RAP1GAP2: variants seen among roughly 807,000 people sequenced by gnomAD.
The protein encoded by RAP1GAP2 is RAP1 GTPase activating protein 2.
Under a neutral mutation model 95.0 loss-of-function variants are expected in RAP1GAP2, and 27 were observed. The ratio of observed to expected loss-of-function variants is 0.28; its 90% CI spans 0.21 to 0.39. RAP1GAP2 has a LOEUF of 0.39. Ranked by LOEUF, RAP1GAP2 falls within the 10% of genes least tolerant of loss-of-function variation. The probability of loss-of-function intolerance (pLI) is 1.00; values close to 1 mark genes in which losing one functional copy is unlikely to be tolerated. For synonymous variants in RAP1GAP2, 373 were observed against 380.9 expected (o/e 0.98, Z 0.24); for missense variants, 771 against 970.0 (o/e 0.79, Z 2.72).
At chr17:2,918,608 C>T (rs989481818) in intron 3 of RAP1GAP2, among the ~76,000 whole-genome samples, 1 of 151,860 alleles carries the variant, frequency 6.6e-6, no homozygotes, top group African/African-American at 2.4e-5. Flanking sequence ...AGCAAGAGAG[C>T]AAGGGAGGGT....
At chr17:3,024,929 C>T (rs2047059070) in intron 19 of RAP1GAP2, among the ~76,000 whole-genome samples, 1 of 152,110 alleles carries the variant, frequency 6.6e-6, no homozygotes, top group African/African-American at 2.4e-5. Context: ...ACAAATGGGT[C>T]CAGTGTTTCC....
At chr17:2,806,538 G>T (rs2069527086) in intron 2 of RAP1GAP2, among the ~76,000 whole-genome samples, 2 of 149,790 alleles carry the variant, frequency 1.3e-5, no homozygotes, top group Admixed American at 6.7e-5. Flanking sequence ...GATTACAGGT[G>T]CGGCCCACCG....
At chr17:2,930,876 CACTTTGGGAGG>C (rs2043121785) in intron 3 of RAP1GAP2, among the ~76,000 whole-genome samples, 1 of 152,204 alleles carries the variant, frequency 6.6e-6, no homozygotes, top group African/African-American at 2.4e-5. Context: ...GTAATCCCAG[CACTTTGGGAGG>C]CCGAGGCGGG....
chr17:2,978,765 C>T (rs1216234629), intron 8 of RAP1GAP2, among the ~76,000 whole-genome samples: 1 of 151,940 alleles, frequency 6.6e-6, no homozygotes, highest in Non-Finnish European at 1.5e-5. Flanking sequence ...GAAACCCTGT[C>T]TCTACTAAAA....
At chr17:2,780,003 G>A (rs945612356) in intron 1 of RAP1GAP2, among the ~76,000 whole-genome samples, 76 of 152,196 alleles carry the variant, frequency 5.0e-4, no homozygotes, top group Non-Finnish European at 1.0e-3. Context: ...TTCCTAGGGC[G>A]TAAACTGGGG....
chr17:2,842,096 G>A (rs572978300), intron 2 of RAP1GAP2, among the ~76,000 whole-genome samples: 1 of 152,268 alleles, frequency 6.6e-6, no homozygotes, highest in African/African-American at 2.4e-5. Flanking sequence ...GGGAGTATTG[G>A]GGTCCTTGTC....
rs761719284 is a variant in RAP1GAP2 at position 2,981,178 on chromosome 17, T to G, written c.676-17T>G. ...ACAGATATCATCCCTGACCTGCGTC[T>G]TCTTCTCCCTTCTCAGGCTTTCTGT... On this transcript the variant is annotated splice_polypyrimidine_tract_variant and intron_variant, in intron 9 of 24. Transcript: ENST00000254695. 107 of 1,583,820 alleles carry G rather than the reference T, an allele frequency of 6.8e-5. No homozygotes were observed. The highest frequency in any genetic ancestry group is 2.0e-4 in the South Asian group (18 of 90,208).
rs528267162 is a variant in RAP1GAP2 at position 2,979,828 on chromosome 17, G to T, written c.597-459G>T. ...AAGTAGGATTCCGTTTTCCCACAAG[G>T]CAAGTGTGATGTGTGGTTGGGCCAC... On this transcript the variant is annotated intron_variant, in intron 8 of 24. Transcript: ENST00000254695. 3.3e-5 allele frequency among the ~76,000 whole-genome samples: 5 copies of T among 152,192 alleles called. No homozygotes were observed. In the East Asian group the frequency reaches 9.7e-4, roughly 30 times the overall value.
intron 1 of RAP1GAP2, among the ~76,000 whole-genome samples, chr17:2,764,736 A>AAAAAAT (rs1555538827): frequency 5.5e-4 from 84 of 152,312 alleles, no homozygotes; most frequent in African/African-American, 1.9e-3. Flanking sequence ...TAAATAAATA[A>AAAAAAT]AAAAATAAAA....
rs1467142505 is a variant in RAP1GAP2, at chr17:2,833,652, T to G, written c.80+33102T>G. Among the ~76,000 whole-genome samples, 3 of 134,632 alleles carry G rather than the reference T, an allele frequency of 2.2e-5. No individual in the cohort carries two copies. The East Asian group carries it at 6.6e-4, about 30-fold the overall frequency. The allele number at this position is 134,632 out of a possible 152,430, so 88.3% of individuals were successfully genotyped here. A position where few individuals can be genotyped will look rare whatever the true frequency, so the allele number is the denominator to read the frequency against. ...TTGCAGTGAGCCGAGATCTCGCCAC[T>G]GCACTCCAACCTGGGAGACACAGCG... On this transcript the variant is annotated intron_variant, in intron 2 of 24. Transcript: ENST00000254695.
chr17:3,015,316 C>G (rs1421250477), intron 17 of RAP1GAP2, among the ~76,000 whole-genome samples: 1 of 152,040 alleles, frequency 6.6e-6, no homozygotes, highest in Non-Finnish European at 1.5e-5. Flanking sequence ...GTCAGTAGCT[C>G]ATCTAGGGGG....
chr17:2,908,516 G>C (rs2042273343), intron 3 of RAP1GAP2, among the ~76,000 whole-genome samples: 1 of 152,078 alleles, frequency 6.6e-6, no homozygotes, highest in South Asian at 2.1e-4. Flanking sequence ...AGCCTGACTC[G>C]GAGGGGCCGG....
chr17:2,816,333 C>T (rs1402057618), intron 2 of RAP1GAP2, among the ~76,000 whole-genome samples: 1 of 151,670 alleles, frequency 6.6e-6, no homozygotes, highest in East Asian at 1.9e-4. Flanking sequence ...TCATCAAACC[C>T]TCTTATTTAT....
chr17:3,033,191 C>T lies in RAP1GAP2; in HGVS notation c.*31-201C>T, dbSNP rs1237984914. ...ACGCACTCTGGACGCCACTGCCCAC[C>T]AAAGCCGTGGCTATGCGCAGCTTCT... On this transcript the variant is annotated intron_variant, in intron 24 of 24. Coordinates refer to ENST00000254695, the MANE Select transcript of RAP1GAP2 (RefSeq NM_015085.5). This position sits in a 1 kb window ranked among gnomAD's most constrained non-coding sequence, Gnocchi z 4.9. 1 of 152,484 alleles carries T rather than the reference C, an allele frequency of 6.6e-6. No individual in the cohort carries two copies. Among genetic ancestry groups the T allele is most frequent in the East Asian group, 1.9e-4 (1 of 5,176 alleles). 9.4% of individuals were successfully genotyped at this position (152,484 alleles called of 1,614,324 possible).
chr17:2,792,916 T>A (rs963844372), upstream of RAP1GAP2, among the ~76,000 whole-genome samples: 1 of 152,200 alleles, frequency 6.6e-6, no homozygotes, highest in African/African-American at 2.4e-5. Flanking sequence ...TACCTGGCTG[T>A]CTCCATAGAC....
chr17:2,900,954 G>T (rs992631207), intron 2 of RAP1GAP2, among the ~76,000 whole-genome samples: 2 of 152,200 alleles, frequency 1.3e-5, no homozygotes, highest in Non-Finnish European at 1.5e-5. Flanking sequence ...GATGGTCTGA[G>T]GCAGAGCCCT....
In RAP1GAP2 at chr17:2,867,683, T is replaced by C. The variant is rs576617916; in HGVS notation, c.81-37601T>C. 3.9e-5 allele frequency among the ~76,000 whole-genome samples: 6 copies of C among 152,148 alleles called. No homozygotes were observed. Among genetic ancestry groups the C allele is most frequent in the African/African-American group, 1.4e-4 (6 of 41,526 alleles). Reference sequence around the variant, plus strand: ...GGATGCAGGGACTTGGCTGGGAGTATAGGAGGGATGGGTCACCTAAGGAAA... The same window carrying C: ...GGATGCAGGGACTTGGCTGGGAGTACAGGAGGGATGGGTCACCTAAGGAAA... On this transcript the variant is annotated intron_variant, in intron 2 of 24. Coordinates refer to ENST00000254695, the MANE Select transcript of RAP1GAP2 (RefSeq NM_015085.5). This position sits in a 1 kb window ranked among gnomAD's most constrained non-coding sequence, Gnocchi z 4.5.
intron 3 of RAP1GAP2, among the ~76,000 whole-genome samples, chr17:2,910,289 T>C (rs564356425): frequency 6.6e-6 from 1 of 152,294 alleles, no homozygotes; most frequent in Admixed American, 6.5e-5. Flanking sequence ...CTCCTGACCC[T>C]CCACTCCTCT....
rs28391728 is a variant in RAP1GAP2, at chr17:3,005,189, C to T, written c.1201-180C>T. Among the ~76,000 whole-genome samples the T allele has an allele frequency of 2.4e-3, 358 of 152,270 alleles. 4 individuals carry two copies. Among genetic ancestry groups the T allele is most frequent in the African/African-American group, 8.1e-3 (338 of 41,558 alleles). Reference sequence around the variant, plus strand: ...AGGCTGCGGATGGCCCCACACCGTCCGGCCCCACTTCTAGGAACAGGGTCA... The same window carrying T: ...AGGCTGCGGATGGCCCCACACCGTCTGGCCCCACTTCTAGGAACAGGGTCA... On this transcript the variant is annotated intron_variant, in intron 14 of 24. Coordinates refer to ENST00000254695, the MANE Select transcript of RAP1GAP2 (RefSeq NM_015085.5). This position sits in a 1 kb window ranked among gnomAD's most constrained non-coding sequence, Gnocchi z 5.2.
Sources: gnomAD v4.1 joint callset for allele counts (sites outside exome capture counted in the v4.1 genomes callset) on GRCh38, gnomAD v4.1.1 for gene constraint, Gnocchi (gnomAD v3.1) non-coding constraint, MANE v1.5 for transcripts, NCBI Gene and HGNC (gene_info 2026-07-23, HGNC 2026-07-21) for gene names.